The following HSPG2 variants were observed in gnomAD, a reference collection of about 807,000 sequenced individuals.
HSPG2 encodes the protein basement membrane-specific heparan sulfate proteoglycan core protein.
A neutral mutation model predicts 526.6 loss-of-function variants in HSPG2; 278 were observed. The observed-to-expected ratio is 0.53, with a 90% CI of 0.48 to 0.58. The LOEUF (loss-of-function observed/expected upper bound fraction) is 0.58, where lower values mean the gene tolerates loss of function less well. HSPG2 is among the 20% of genes least tolerant of loss of function. The pLI, the probability that HSPG2 is intolerant of heterozygous loss-of-function variation, is 0.00. For missense variants in HSPG2, 5,354 were observed against 6,099.5 expected (o/e 0.88, Z 4.07); for synonymous variants, 2,465 against 2,555.4 (o/e 0.96, Z 1.07).
chr1:21,874,283 C>G lies in HSPG2; in HGVS notation c.3656+123G>C, dbSNP rs1296454133. 26 of 1,326,000 alleles carry G rather than the reference C, an allele frequency of 2.0e-5. No individual in the cohort carries two copies. In the East Asian group the frequency reaches 6.5e-4, roughly 33 times the overall value. The allele number at this position is 1,326,000 out of a possible 1,614,324, so 82.1% of individuals were successfully genotyped here. On this transcript the variant is annotated intron_variant, in intron 28 of 96. Coordinates refer to ENST00000374695, the MANE Select transcript of HSPG2 (RefSeq NM_005529.7). The stretch of plus-strand genomic sequence containing the variant: ...GAAGTGTATCTCACACCAAGTGACA[C>G]TGAGCAGGCAGTAAGGCCAGGATTT...
At chr1:21,905,344 T>C (rs567291052) in intron 1 of HSPG2, among the ~76,000 whole-genome samples, 3 of 152,070 alleles carry the variant, frequency 2.0e-5, no homozygotes, top group East Asian at 1.9e-4. Flanking sequence ...AATAGCCACA[T>C]GCATCCTCTC....
chr1:21,829,161 C>A, intron 87 of HSPG2, 82 bp from the exon 88 acceptor site: 2 of 1,494,824 alleles, frequency 1.3e-6, no homozygotes. Context: ...GGGCCCTGAG[C>A]AGATGGGGAA....
intron 56 of HSPG2, 28 bp downstream of exon 56, chr1:21,850,335 A>G (rs575983567): frequency 2.2e-6 from 3 of 1,338,168 alleles, no homozygotes; most frequent in Non-Finnish European, 3.2e-6. Flanking sequence ...CTGGGTCCCC[A>G]GCCCTGCCCT....
intron 67 of HSPG2, 119 bp downstream of exon 67, chr1:21,842,651 C>A: frequency 7.4e-7 from 1 of 1,347,764 alleles, no homozygotes; most frequent in Non-Finnish European, 1.0e-6. Context: ...GTCCCGCAAA[C>A]GTATTTTATC....
At position 21,872,646 on chromosome 1, in the gene HSPG2, C is replaced by T. The variant is rs532799636; in HGVS notation, c.4003G>A (p.Ala1335Thr). The T allele has an allele frequency of 2.2e-5, 35 of 1,594,320 alleles. No homozygotes were observed. Among genetic ancestry groups the T allele is most frequent in the African/African-American group, 5.3e-5 (4 of 74,816 alleles). ...CFCMGITQQC[A>T]SSAYTRHLIS... ...AGGTGGCGTGTGTAGGCAGAGCTGG[C>T]GCACTGCTGGGTGATGCCCATACAG... The change falls in exon 32 of 97, where the codon GCC (alanine) becomes ACC (threonine). Residue 1335 changes from alanine (A) to threonine (T), a missense_variant. Ala to Thr is a moderately conservative substitution (Grantham distance 58). Coordinates refer to ENST00000374695, the MANE Select transcript of HSPG2 (RefSeq NM_005529.7). The surrounding 1 kb of genome is among the most constrained non-coding windows in gnomAD (Gnocchi z 5.5).
intron 1 of HSPG2, among the ~76,000 whole-genome samples, chr1:21,933,028 G>C (rs1412218451): frequency 1.3e-5 from 2 of 152,060 alleles, no homozygotes; most frequent in Admixed American, 1.3e-4. Context: ...AGACCTGCCT[G>C]GGGGAACATG....
chr1:21,914,571 A>G (rs901030809), intron 1 of HSPG2, among the ~76,000 whole-genome samples: 5 of 152,034 alleles, frequency 3.3e-5, no homozygotes, highest in Admixed American at 6.5e-5. Context: ...CATGGGGAGG[A>G]GCAGAAAGGT....
intron 3 of HSPG2, among the ~76,000 whole-genome samples, chr1:21,892,696 G>A (rs1040099489): frequency 1.3e-5 from 2 of 151,862 alleles, no homozygotes; most frequent in African/African-American, 4.8e-5. Flanking sequence ...CCAACATGGT[G>A]AAAATACAAA....
At position 21,872,058 on chromosome 1, in the gene HSPG2, A is replaced by G; in HGVS notation, c.4221+128T>C. ...TGGGGTTCAGACCAATGTCTATGGGACTGCAAAAGCCACGTGCCTAACCAC... is the reference window on the plus strand; with the variant it reads ...TGGGGTTCAGACCAATGTCTATGGGGCTGCAAAAGCCACGTGCCTAACCAC... On this transcript the variant is annotated intron_variant, in intron 33 of 96. Transcript: ENST00000374695. The surrounding 1 kb of genome is among the most constrained non-coding windows in gnomAD (Gnocchi z 5.5). 1.1e-6 allele frequency: 1 copy of G among 936,956 alleles called. No homozygotes were observed. The highest frequency in any genetic ancestry group is 1.7e-6 in the Non-Finnish European group (1 of 595,024). 58.0% of individuals were successfully genotyped at this position (936,956 alleles called of 1,614,324 possible). A position where few individuals can be genotyped will look rare whatever the true frequency, so the allele number is the denominator to read the frequency against.
Position 21,852,081 on chromosome 1 carries a change from C to G in HSPG2, c.6870+7G>C. On this transcript the variant is annotated splice_region_variant and intron_variant, in intron 53 of 96. Transcript: ENST00000374695. Reference sequence around the variant, plus strand: ...TGGCCCCGTCCCACATTCTTGGTGCCCTGTACCTGGTGCCGGGCAGGGAGG... The same window carrying G: ...TGGCCCCGTCCCACATTCTTGGTGCGCTGTACCTGGTGCCGGGCAGGGAGG... 1 of 1,613,284 alleles carries G rather than the reference C, an allele frequency of 6.2e-7. No homozygotes were observed. The highest frequency in any genetic ancestry group is 1.3e-5 in the African/African-American group (1 of 75,024).
Position 21,848,735 on chromosome 1 carries a change from G to T in HSPG2, c.7645C>A (p.His2549Asn). ...ACCAGGCAGTTGAGGTCCAGGGTGT[G>T]TCCATTGGCCAGGGAGGCTGAGGAG... is the stretch of plus-strand genomic sequence containing the variant. ...ESSSASLANG[H>N]TLDLNCLVAS... Residue 2549 changes from histidine (H) to asparagine (N), a missense_variant, in exon 59 of 97, where the codon CAC becomes AAC. By Grantham distance (68) the His-to-Asn change is moderately conservative. Transcript: ENST00000374695. The surrounding 1 kb of genome is among the most constrained non-coding windows in gnomAD (Gnocchi z 4.9). The T allele has an allele frequency of 6.2e-7, 1 of 1,613,986 alleles. No individual in the cohort carries two copies. Among genetic ancestry groups the T allele is most frequent in the Non-Finnish European group, 8.5e-7 (1 of 1,179,986 alleles).
chr1:21,884,649 G>A lies in HSPG2; in HGVS notation c.1533C>T (p.Tyr511=). Residue 511 remains tyrosine, a synonymous_variant, in exon 13 of 97, where the codon TAC becomes TAT. Transcript: ENST00000374695. ...GCAGGCAGGCGGCGCTGTGCTCCAG[G>A]TAGAAGTGGCCGTCAGGGCAGGGGC... is the stretch of plus-strand genomic sequence containing the variant. The part of the protein sequence containing the change: ...QRGPCPDGHF[Y]LEHSAACLPC... The A allele has an allele frequency of 6.2e-7, 1 of 1,612,152 alleles. No individual in the cohort carries two copies. Among genetic ancestry groups the A allele is most frequent in the Non-Finnish European group, 8.5e-7 (1 of 1,179,690 alleles).
In HSPG2 at chr1:21,880,559, C is replaced by T. The variant is rs377061705; in HGVS notation, c.1999G>A (p.Glu667Lys). Residue 667 changes from glutamate to lysine, a missense_variant and splice_region_variant, in exon 16 of 97, where the codon GAG (glutamate) becomes AAG (lysine). Physicochemically the swap from Glu to Lys is moderately conservative, Grantham distance 56. Coordinates refer to ENST00000374695, the MANE Select transcript of HSPG2 (RefSeq NM_005529.7). Reference sequence around the variant, plus strand: ...CGGCCAGACTCATGGACCCAGTGCTCCTGGGTATGGGTGAAGGTGGCAGGG... The same window carrying T: ...CGGCCAGACTCATGGACCCAGTGCTTCTGGGTATGGGTGAAGGTGGCAGGG... ...LNQRQVQFSEEHWVHESGRPV... is the reference protein window; with the variant it reads ...LNQRQVQFSEKHWVHESGRPV... 3.1e-6 allele frequency: 5 copies of T among 1,613,064 alleles called. No homozygotes were observed. In the African/African-American group the frequency reaches 6.7e-5, roughly 22 times the overall value.
At position 21,873,069 on chromosome 1, in the gene HSPG2, G is replaced by T. The variant is rs1557758144; in HGVS notation, c.3816C>A (p.Pro1272=). The T allele has an allele frequency of 2.5e-6, 4 of 1,602,072 alleles. No individual in the cohort carries two copies. Among genetic ancestry groups the T allele is most frequent in the Non-Finnish European group, 3.4e-6 (4 of 1,179,924 alleles). The part of the protein sequence containing the change: ...PCQRDSQVPG[P]IGCNCDPQGS... ...CTTGGGGGTCACAGTTGCAGCCTAT[G>T]GGCCCTGGCACCTGGCTGTCTCCTG... Residue 1272 remains proline (P), a synonymous_variant, in exon 31 of 97, where the codon CCC becomes CCA. Coordinates refer to ENST00000374695, the MANE Select transcript of HSPG2 (RefSeq NM_005529.7).
chr1:21,882,936 C>A (rs1641620994), intron 13 of HSPG2, among the ~76,000 whole-genome samples: 1 of 152,162 alleles, frequency 6.6e-6, no homozygotes, highest in Non-Finnish European at 1.5e-5. Flanking sequence ...AGCCCCGGGT[C>A]TAGGTTACTC....
intron 66 of HSPG2, among the ~76,000 whole-genome samples, 173 bp from the exon 67 acceptor site, chr1:21,843,094 A>G (rs2098056222): frequency 6.6e-6 from 1 of 152,118 alleles, no homozygotes; most frequent in Admixed American, 6.5e-5. Flanking sequence ...GGTCCTCCTG[A>G]AACTCAGGGC....
intron 1 of HSPG2, among the ~76,000 whole-genome samples, chr1:21,914,188 A>G (rs1284518558): frequency 6.6e-6 from 1 of 152,238 alleles, no homozygotes; most frequent in Admixed American, 6.5e-5. Flanking sequence ...CCGATGGACC[A>G]TAAATTAATA....
Position 21,859,457 on chromosome 1 carries a change from G to A in HSPG2, c.5293+109C>T. ...TCTCCATGGCTGCTGACCTTGTTCG[G>A]GCAACCACTGCCCCCTCCCAGCAGG... On this transcript the variant is annotated intron_variant, in intron 42 of 96. Coordinates refer to ENST00000374695, the MANE Select transcript of HSPG2 (RefSeq NM_005529.7). This position sits in a 1 kb window ranked among gnomAD's most constrained non-coding sequence, Gnocchi z 5.3. The A allele has an allele frequency of 2.3e-6, 2 of 851,068 alleles. No individual in the cohort carries two copies. The highest frequency in any genetic ancestry group is 1.4e-5 in the South Asian group (1 of 69,250). The allele number at this position is 851,068 out of a possible 1,614,324, so 52.7% of individuals were successfully genotyped here. A position where few individuals can be genotyped will look rare whatever the true frequency, so the allele number is the denominator to read the frequency against.
chr1:21,850,542 C>A, intron 55 of HSPG2, 44 bp from the exon 56 acceptor site: 1 of 1,547,668 alleles, frequency 6.5e-7, no homozygotes. Context: ...TCAGGAGACC[C>A]CTGTTCCTAT....
Sources: allele counts gnomAD v4.1 joint callset (sites outside exome capture counted in the v4.1 genomes callset), GRCh38; gene constraint gnomAD v4.1.1; non-coding constraint Gnocchi (gnomAD v3.1); transcripts MANE v1.5; gene names NCBI Gene and HGNC (gene_info 2026-07-23, HGNC 2026-07-21).